NPLOC4: variants seen among roughly 807,000 people sequenced by gnomAD.
NPLOC4 encodes NPL4 homolog, ubiquitin recognition factor.
A neutral mutation model predicts 80.6 loss-of-function variants in NPLOC4; 18 were observed. That is an observed-to-expected ratio of 0.22 (90% confidence interval 0.15 to 0.33). The LOEUF is 0.33. Ranked by LOEUF, NPLOC4 falls within the 10% of genes least tolerant of loss-of-function variation. The pLI is 1.00. For missense variants in NPLOC4, 540 were observed against 786.1 expected, an observed-to-expected ratio of 0.69 and a Z score of 3.74; for synonymous variants, 313 against 301.5, an observed-to-expected ratio of 1.04 and a Z score of -0.39.
intron 3 of NPLOC4, among the ~76,000 whole-genome samples, chr17:81,620,566 A>G (rs985743521): frequency 6.6e-6 from 1 of 152,204 alleles, no homozygotes; most frequent in Non-Finnish European, 1.5e-5. Flanking sequence ...GTGGCTGCCA[A>G]TGCCTTATCC....
At chr17:81,613,954 G>A (rs2035407657) in intron 3 of NPLOC4, among the ~76,000 whole-genome samples, 2 of 151,968 alleles carry the variant, frequency 1.3e-5, no homozygotes, top group Admixed American at 1.3e-4. Flanking sequence ...CGTAAGCACA[G>A]ACACGCATAG....
rs148269428 is a variant in NPLOC4, at chr17:81,561,592, G to T, written c.1670-2176C>A. On this transcript the variant is annotated intron_variant, in intron 16 of 16. Transcript: ENST00000331134. ...GATTCAACTTAATAACTGTTTTACAGTTTTTATTTTTTTAAGACAGGGTAT... is the reference window on the plus strand; with the variant it reads ...GATTCAACTTAATAACTGTTTTACATTTTTTATTTTTTTAAGACAGGGTAT... Among the ~76,000 whole-genome samples, 146 of 152,190 alleles carry T rather than the reference G, an allele frequency of 9.6e-4. 2 individuals carry two copies. In the East Asian group the frequency reaches 0.024, roughly 25 times the overall value.
chr17:81,564,088 ACAC>A, intron 16 of NPLOC4: 1 of 293,260 alleles, frequency 3.4e-6, no homozygotes, highest in Non-Finnish European at 6.5e-6. Flanking sequence ...CTCAAAACAC[ACAC>A]ACACACACAC....
chr17:81,560,400 G>C (rs538167552), intron 16 of NPLOC4, among the ~76,000 whole-genome samples: 1 of 150,396 alleles, frequency 6.6e-6, no homozygotes, highest in Non-Finnish European at 1.5e-5. Flanking sequence ...GCGACACAGC[G>C]AGACTCCATC....
chr17:81,590,801 A>C (rs1380302035), intron 11 of NPLOC4, among the ~76,000 whole-genome samples: 1 of 152,184 alleles, frequency 6.6e-6, no homozygotes, highest in Non-Finnish European at 1.5e-5. Flanking sequence ...CCACACAATC[A>C]AAAAAGGTGA....
chr17:81,613,293 C>T (rs886267361), intron 4 of NPLOC4, 25 bp downstream of exon 4: 1 of 1,600,158 alleles, frequency 6.2e-7, no homozygotes, highest in Non-Finnish European at 8.5e-7. Flanking sequence ...ACAAGTAGGA[C>T]CCTGGAATCT....
At chr17:81,578,519 A>C (rs1402102347) in intron 12 of NPLOC4, among the ~76,000 whole-genome samples, 1 of 152,238 alleles carries the variant, frequency 6.6e-6, no homozygotes, top group Non-Finnish European at 1.5e-5. Context: ...GGTAATTTAT[A>C]AGAGGTTTAA....
chr17:81,565,160 CACGCTTCCG>C, intron 16 of NPLOC4: 1 of 601,648 alleles, frequency 1.7e-6, no homozygotes, highest in East Asian at 2.8e-5. Context: ...CAAAAGGTCC[CACGCTTCCG>C]GCGCTTCCAT....
rs763822100 is a variant in NPLOC4 at position 81,580,997 on chromosome 17, G to A, written c.1281+7947C>T. Among the ~76,000 whole-genome samples the A allele has an allele frequency of 1.6e-4, 24 of 152,128 alleles. 1 individual carries two copies. The highest frequency in any genetic ancestry group is 2.5e-4 in the Non-Finnish European group (17 of 68,004). ...CCAGTGGCCCTGGGCCAGCCCACCC[G>A]TGGGCTTATGCCCGTCAGACTATTT... On this transcript the variant is annotated intron_variant, in intron 12 of 16. Transcript: ENST00000331134. This position sits in a 1 kb window ranked among gnomAD's most constrained non-coding sequence, Gnocchi z 4.4.
chr17:81,621,612 A>G (rs2035669307), intron 3 of NPLOC4, among the ~76,000 whole-genome samples: 1 of 152,224 alleles, frequency 6.6e-6, no homozygotes, highest in South Asian at 2.1e-4. Flanking sequence ...TGCAGGCCTC[A>G]CGGTCTATCA....
At chr17:81,636,435 G>C (rs1372483361) in intron 1 of NPLOC4, 2 of 153,374 alleles carry the variant, frequency 1.3e-5, no homozygotes, top group African/African-American at 4.8e-5. Context: ...TAACGTCCCC[G>C]TCTGCAGAGC....
intron 12 of NPLOC4, among the ~76,000 whole-genome samples, chr17:81,585,268 C>T (rs1305348547): frequency 1.3e-5 from 2 of 150,374 alleles, no homozygotes; most frequent in Non-Finnish European, 2.9e-5. Context: ...ATCCATGATT[C>T]CTGGAGATGA....
intron 12 of NPLOC4, among the ~76,000 whole-genome samples, 192 bp downstream of exon 12, chr17:81,588,752 G>A (rs567616780): frequency 6.6e-6 from 1 of 152,344 alleles, no homozygotes; most frequent in Admixed American, 6.5e-5. Flanking sequence ...CTGGTGAGAA[G>A]CCCTACGCCA....
At chr17:81,636,768 G>A in intron 1 of NPLOC4, 148 bp downstream of exon 1, 4 of 869,638 alleles carry the variant, frequency 4.6e-6, no homozygotes, top group Non-Finnish European at 6.1e-6. Context: ...CCCCGAGAGG[G>A]GCCCAGCCAC....
chr17:81,591,969 C>T (rs1421345108), intron 11 of NPLOC4, among the ~76,000 whole-genome samples: 1 of 152,232 alleles, frequency 6.6e-6, no homozygotes, highest in Non-Finnish European at 1.5e-5. Context: ...TTCTACACTG[C>T]ACTGTCCTTC....
chr17:81,575,877 A>T (rs905370788), intron 12 of NPLOC4, among the ~76,000 whole-genome samples: 1 of 152,246 alleles, frequency 6.6e-6, no homozygotes, highest in Admixed American at 6.5e-5. Context: ...TCTTCTGTCG[A>T]TGGCAGTTTC....
At chr17:81,581,375 A>AAAAAAAAAAAAGTC (rs1555680405) in intron 12 of NPLOC4, among the ~76,000 whole-genome samples, 779 of 72,836 alleles carry the variant, frequency 0.011, 246 homozygotes, top group Admixed American at 0.02. Context: ...AAAAAAAAAA[A>AAAAAAAAAAAAGTC]AGTTAATAAA....
intron 8 of NPLOC4, among the ~76,000 whole-genome samples, chr17:81,603,282 T>G (rs924952365): frequency 2.6e-5 from 4 of 152,238 alleles, no homozygotes; most frequent in African/African-American, 9.6e-5. Context: ...TGTGCACTTT[T>G]TTTTTCTTTT....
At chr17:81,608,863 C>T in intron 5 of NPLOC4, 41 bp from the exon 6 acceptor site, 3 of 1,488,018 alleles carry the variant, frequency 2.0e-6, no homozygotes, top group Non-Finnish European at 1.8e-6. Context: ...CTCACACGTG[C>T]CGGTCACTCC....
Sources: allele counts gnomAD v4.1 joint callset (sites outside exome capture counted in the v4.1 genomes callset), GRCh38; gene constraint gnomAD v4.1.1; non-coding constraint Gnocchi (gnomAD v3.1); transcripts MANE v1.5; gene names NCBI Gene and HGNC (gene_info 2026-07-23, HGNC 2026-07-21).